Variants in NEGR1 observed in about 807,000 individuals in gnomAD.
NEGR1 encodes IgLON family member 4.
Under a neutral mutation model 40.9 loss-of-function variants are expected in NEGR1, and 10 were observed. That is an observed-to-expected ratio of 0.24 (90% CI 0.15 to 0.42). The LOEUF is 0.42. NEGR1 is among the 10% of genes least tolerant of loss of function. The pLI is 1.00. For missense variants in NEGR1, 352 were observed against 438.9 expected (o/e 0.80, Z 1.77); for synonymous variants, 185 against 166.8 (o/e 1.11, Z -0.84).
chr1:71,519,528 A>G (rs1483669816), intron 6 of NEGR1, among the ~76,000 whole-genome samples: 1 of 94,698 alleles, frequency 1.1e-5, no homozygotes, highest in Non-Finnish European at 2.1e-5. Context: ...GAATTGAACA[A>G]TGAGATCACA....
chr1:71,542,205 T>C (rs926918490), intron 6 of NEGR1, among the ~76,000 whole-genome samples: 1 of 151,724 alleles, frequency 6.6e-6, no homozygotes, highest in Non-Finnish European at 1.5e-5. Flanking sequence ...TTCAGAAGCA[T>C]GAAGCCGGGG....
At chr1:72,277,320 A>C (rs1357026851) in intron 1 of NEGR1, among the ~76,000 whole-genome samples, 1 of 152,174 alleles carries the variant, frequency 6.6e-6, no homozygotes, top group Non-Finnish European at 1.5e-5. Flanking sequence ...CATGATGTGA[A>C]CATTTCTGTA....
rs556542117 is a variant in NEGR1 at position 72,105,259 on chromosome 1, T to C, written c.177-169948A>G. ...ACTAATCCACTTTGAGAATAAAAAC[T>C]AGATTGTTTGATGCAGATATACATG... is the stretch of plus-strand genomic sequence containing the variant. On this transcript the variant is annotated intron_variant, in intron 1 of 6. Coordinates refer to ENST00000357731, the MANE Select transcript of NEGR1 (RefSeq NM_173808.3). 1.2e-4 allele frequency among the ~76,000 whole-genome samples: 18 copies of C among 152,224 alleles called. No homozygotes were observed. In the South Asian group the frequency reaches 3.5e-3, roughly 30 times the overall value.
chr1:71,621,603 CAA>C (rs146931672), intron 4 of NEGR1, among the ~76,000 whole-genome samples: 2,713 of 151,358 alleles, frequency 0.018, 77 homozygotes, highest in African/African-American at 0.062. Flanking sequence ...AGAAAAAAAA[CAA>C]AATTATTTGG....
intron 2 of NEGR1, among the ~76,000 whole-genome samples, chr1:71,917,566 G>A (rs1661619544): frequency 6.6e-6 from 1 of 151,750 alleles, no homozygotes; most frequent in African/African-American, 2.4e-5. Context: ...GGAGGCGGGC[G>A]GATCACGAGG....
At chr1:71,879,206 A>T (rs1364066776) in intron 2 of NEGR1, among the ~76,000 whole-genome samples, 3 of 152,036 alleles carry the variant, frequency 2.0e-5, no homozygotes, top group Non-Finnish European at 4.4e-5. Context: ...AAAATTATAC[A>T]AATGTGTAAA....
chr1:71,424,090 A>AG (rs956357853), intron 6 of NEGR1, among the ~76,000 whole-genome samples: 2 of 151,348 alleles, frequency 1.3e-5, no homozygotes, highest in Non-Finnish European at 3.0e-5. Flanking sequence ...TTAAAGAAAA[A>AG]AAAAAACCTT....
chr1:71,570,858 C>T (rs1648787801), intron 6 of NEGR1: 1 of 104,564 alleles, frequency 9.6e-6, no homozygotes, highest in Non-Finnish European at 2.2e-5. Context: ...TAGTCAAAAG[C>T]TTTTATAACT....
At chr1:71,560,232 T>TTTCA (rs1050893820) in intron 6 of NEGR1, among the ~76,000 whole-genome samples, 12 of 151,210 alleles carry the variant, frequency 7.9e-5, no homozygotes, top group Admixed American at 4.0e-4. Context: ...AGATGAGGAA[T>TTTCA]TTCAGCTTCA....
chr1:71,631,091 CT>C (rs564983231), intron 4 of NEGR1, among the ~76,000 whole-genome samples: 145 of 152,054 alleles, frequency 9.5e-4, no homozygotes, highest in Non-Finnish European at 1.5e-3. Context: ...ACCACATTGT[CT>C]GATTAAACAA....
intron 2 of NEGR1, among the ~76,000 whole-genome samples, chr1:71,921,735 G>T (rs1014535634): frequency 1.3e-4 from 15 of 112,596 alleles, no homozygotes; most frequent in African/African-American, 4.6e-4. Flanking sequence ...TATATATATA[G>T]AATACCATCG....
At chr1:72,216,519 AATAG>A (rs995196969) in intron 1 of NEGR1, among the ~76,000 whole-genome samples, 6 of 150,548 alleles carry the variant, frequency 4.0e-5, no homozygotes, top group African/African-American at 9.7e-5. Flanking sequence ...ATTATTTCCA[AATAG>A]ATAATAATGA....
At chr1:71,840,185 C>T (rs1190200652) in intron 2 of NEGR1, among the ~76,000 whole-genome samples, 1 of 152,036 alleles carries the variant, frequency 6.6e-6, no homozygotes. Flanking sequence ...TTAAGTGAAT[C>T]AGTAAACATT....
At chr1:71,705,499 A>C (rs191245155) in intron 3 of NEGR1, among the ~76,000 whole-genome samples, 1 of 152,344 alleles carries the variant, frequency 6.6e-6, no homozygotes, top group East Asian at 1.9e-4. Context: ...TATTAAACAA[A>C]GAACATGTGT....
intron 1 of NEGR1, among the ~76,000 whole-genome samples, chr1:72,039,864 T>C (rs760274601): frequency 6.6e-6 from 1 of 151,984 alleles, no homozygotes; most frequent in African/African-American, 2.4e-5. Context: ...CTGATAATCA[T>C]TGACCATTTT....
At chr1:71,591,795 T>C (rs931522632) in intron 6 of NEGR1, among the ~76,000 whole-genome samples, 2 of 152,148 alleles carry the variant, frequency 1.3e-5, no homozygotes, top group Admixed American at 6.5e-5. Context: ...ATTATGGTAA[T>C]GTAAAGCTCA....
At chr1:71,621,143 C>A (rs577450492) in intron 4 of NEGR1, among the ~76,000 whole-genome samples, 7 of 151,928 alleles carry the variant, frequency 4.6e-5, no homozygotes, top group Middle Eastern at 3.4e-3. Flanking sequence ...TTTAAAAATT[C>A]ATTGCCTTGG....
intron 1 of NEGR1, among the ~76,000 whole-genome samples, chr1:71,944,144 T>C (rs1645996839): frequency 6.6e-6 from 1 of 152,224 alleles, no homozygotes; most frequent in Admixed American, 6.5e-5. Flanking sequence ...AGATTTTTGA[T>C]AACTGGCAGG....
intron 1 of NEGR1, among the ~76,000 whole-genome samples, chr1:72,216,411 A>ATATATACATATATATC (rs1653821373): frequency 6.8e-6 from 1 of 146,902 alleles, no homozygotes. Context: ...ACATATATAT[A>ATATATACATATATATC]TATATGTATA....
Sources: gnomAD v4.1 joint callset for allele counts (sites outside exome capture counted in the v4.1 genomes callset) on GRCh38, gnomAD v4.1.1 for gene constraint, MANE v1.5 for transcripts, NCBI Gene and HGNC (gene_info 2026-07-23, HGNC 2026-07-21) for gene names.